Variants in MTA3 observed in about 807,000 individuals in gnomAD.
MTA3 encodes metastasis-associated protein MTA3.
MTA3 carries 34 observed loss-of-function variants against 83.5 expected under a neutral mutation model. The ratio of observed to expected loss-of-function variants is 0.41; its 90% confidence interval spans 0.31 to 0.54. The LOEUF (loss-of-function observed/expected upper bound fraction) is 0.54, where lower values mean the gene tolerates loss of function less well. MTA3 is among the 20% of genes least tolerant of loss of function. The pLI is 0.33. For missense variants in MTA3, 761 were observed against 726.4 expected, an observed-to-expected ratio of 1.05 and a Z score of -0.55; for synonymous variants, 303 against 252.7, an observed-to-expected ratio of 1.20 and a Z score of -1.89.
intron 8 of MTA3, among the ~76,000 whole-genome samples, chr2:42,660,894 T>G (rs1432923340): frequency 8.5e-5 from 13 of 152,212 alleles, no homozygotes; most frequent in Admixed American, 8.5e-4. Context: ...TTGCCCAGGC[T>G]GGTCTTGAAC....
intron 3 of MTA3, among the ~76,000 whole-genome samples, chr2:42,609,039 T>TC (rs1683852929): frequency 6.6e-6 from 1 of 151,058 alleles, no homozygotes; most frequent in African/African-American, 2.4e-5. Context: ...TTAATTTTTT[T>TC]TTTTTTTTTT....
intron 2 of MTA3, among the ~76,000 whole-genome samples, chr2:42,573,853 C>G (rs189049949): frequency 6.6e-6 from 1 of 151,514 alleles, no homozygotes; most frequent in East Asian, 1.9e-4. Flanking sequence ...GAGTCTCGCT[C>G]CGTCGACCAG....
chr2:42,624,676 T>C (rs1685908148), intron 4 of MTA3, among the ~76,000 whole-genome samples: 2 of 152,220 alleles, frequency 1.3e-5, no homozygotes, highest in African/African-American at 2.4e-5. Context: ...TTCTCAACTT[T>C]GTCAGACTCA....
Position 42,756,410 on chromosome 2 carries a change from G to A in MTA3, c.*3011G>A, listed in dbSNP as rs1032317307. The A allele has an allele frequency of 3.0e-5, 29 of 963,916 alleles. No homozygotes were observed. The highest frequency in any genetic ancestry group is 3.5e-5 in the Non-Finnish European group (28 of 810,502). 59.7% of individuals were successfully genotyped at this position (963,916 alleles called of 1,614,324 possible). ...GCTGCCCTGGGAGCCTGGGACAGGC[G>A]ACCCACCGGGTCAGTCCCCTGCCAC... On this transcript the variant is annotated 3_prime_UTR_variant, in exon 17 of 17. Transcript: ENST00000405094.
chr2:42,630,202 C>A (rs1259546140), intron 4 of MTA3, among the ~76,000 whole-genome samples: 1 of 152,208 alleles, frequency 6.6e-6, no homozygotes, highest in Non-Finnish European at 1.5e-5. Context: ...TCGTCAGTAT[C>A]TTGTGCTACA....
At chr2:42,638,477 C>G (rs1687394861) in intron 4 of MTA3, among the ~76,000 whole-genome samples, 1 of 151,960 alleles carries the variant, frequency 6.6e-6, no homozygotes, top group South Asian at 2.1e-4. Flanking sequence ...CACCCTAGAC[C>G]TCCTGGGCTC....
chr2:42,626,233 G>A (rs958355054), intron 4 of MTA3, among the ~76,000 whole-genome samples: 1 of 150,048 alleles, frequency 6.7e-6, no homozygotes. Flanking sequence ...GTGAACCACC[G>A]TGCCCGGCCA....
intron 2 of MTA3, among the ~76,000 whole-genome samples, chr2:42,576,559 G>T (rs961099841): frequency 1.3e-5 from 2 of 152,080 alleles, no homozygotes; most frequent in African/African-American, 2.4e-5. Flanking sequence ...GAGCCTGGGG[G>T]TTTGAGACCA....
chr2:42,650,623 G>A lies in MTA3; in HGVS notation c.500-5577G>A, dbSNP rs1057507721. On this transcript the variant is annotated intron_variant, in intron 6 of 16. Coordinates refer to ENST00000405094, the MANE Select transcript of MTA3 (RefSeq NM_001330442.2). Reference sequence around the variant, plus strand: ...CCCGGCTAATTTTTTTGTATTTTTAGTAGAGACGGGGTTTCAAGGATGGTC... The same window carrying A: ...CCCGGCTAATTTTTTTGTATTTTTAATAGAGACGGGGTTTCAAGGATGGTC... 5.3e-5 allele frequency among the ~76,000 whole-genome samples: 8 copies of A among 152,148 alleles called. No homozygotes were observed. The East Asian group carries it at 7.7e-4, about 15-fold the overall frequency.
chr2:42,539,218 G>GCTATAAGGA (rs1261145576), intron 2 of MTA3, among the ~76,000 whole-genome samples: 7 of 152,288 alleles, frequency 4.6e-5, no homozygotes, highest in African/African-American at 1.7e-4. Flanking sequence ...TTCTCATACT[G>GCTATAAGGA]CTATAAGGAC....
chr2:42,541,387 G>T (rs1676511299), intron 2 of MTA3, among the ~76,000 whole-genome samples: 1 of 152,164 alleles, frequency 6.6e-6, no homozygotes, highest in Non-Finnish European at 1.5e-5. Flanking sequence ...TTGTGATGAT[G>T]GGCAGTGGCA....
At chr2:42,606,359 C>G (rs1477863292) in intron 3 of MTA3, among the ~76,000 whole-genome samples, 1 of 147,660 alleles carries the variant, frequency 6.8e-6, no homozygotes, top group African/African-American at 2.5e-5. Context: ...AGCTGCCGGG[C>G]GGAGGGGCTC....
chr2:42,530,903 C>T (rs1437876416), intron 2 of MTA3, among the ~76,000 whole-genome samples: 1 of 152,236 alleles, frequency 6.6e-6, no homozygotes, highest in East Asian at 1.9e-4. Flanking sequence ...AATCTCAGCT[C>T]ACTACAACCT....
intron 2 of MTA3, among the ~76,000 whole-genome samples, chr2:42,527,009 C>A (rs1407743552): frequency 1.4e-5 from 2 of 146,520 alleles, no homozygotes; most frequent in African/African-American, 5.1e-5. Flanking sequence ...AGCTGAGATC[C>A]CGCCACTGCA....
In MTA3 at chr2:42,709,032, C is replaced by T; in HGVS notation, c.1461C>T (p.Leu487=). 6.2e-7 allele frequency: 1 copy of T among 1,613,984 alleles called. No individual in the cohort carries two copies. The highest frequency in any genetic ancestry group is 1.1e-5 in the South Asian group (1 of 91,086). Residue 487 remains leucine, a synonymous_variant, in exon 14 of 17, where the codon CTC becomes CTT. Coordinates refer to ENST00000405094, the MANE Select transcript of MTA3 (RefSeq NM_001330442.2). The part of the protein sequence containing the change: ...KFARQVCKNT[L]RLRQAARRPF... ...CTCGTCAGGTCTGCAAAAATACCCT[C>T]CGGCTGCGGCAGGCAGCAAGACGGC...
At chr2:42,560,272 T>A (rs1677604030) in intron 2 of MTA3, among the ~76,000 whole-genome samples, 1 of 150,428 alleles carries the variant, frequency 6.6e-6, no homozygotes, top group African/African-American at 2.4e-5. Context: ...TCTGCCTGCG[T>A]CGGCCTCCCA....
chr2:42,560,231 A>G (rs543737286), intron 2 of MTA3, among the ~76,000 whole-genome samples: 8 of 151,352 alleles, frequency 5.3e-5, no homozygotes, highest in African/African-American at 1.9e-4. Context: ...CATTTTGGCC[A>G]GGCTGGTCTT....
At chr2:42,640,843 G>T (rs193275737) in intron 5 of MTA3, among the ~76,000 whole-genome samples, 1 of 152,168 alleles carries the variant, frequency 6.6e-6, no homozygotes, top group Non-Finnish European at 1.5e-5. Context: ...TTTAGTATCA[G>T]TGATGCTTCA....
intron 4 of MTA3, among the ~76,000 whole-genome samples, chr2:42,615,564 C>T (rs997289013): frequency 6.6e-6 from 1 of 151,800 alleles, no homozygotes; most frequent in African/African-American, 2.4e-5. Flanking sequence ...CCATGTTGGC[C>T]AAGATGGTCT....
Sources: gnomAD v4.1 joint callset for allele counts (sites outside exome capture counted in the v4.1 genomes callset) on GRCh38, gnomAD v4.1.1 for gene constraint, MANE v1.5 for transcripts, NCBI Gene and HGNC (gene_info 2026-07-23, HGNC 2026-07-21) for gene names.